Variants in SNX29 observed in about 807,000 individuals in gnomAD.
The protein encoded by SNX29 is sorting nexin-29.
Under a neutral mutation model 102.1 loss-of-function variants are expected in SNX29, and 78 were observed. The observed-to-expected ratio is 0.76, with a 90% CI of 0.64 to 0.92. SNX29 has a LOEUF of 0.92. Ranked by LOEUF, SNX29 falls within the 40% of genes least tolerant of loss-of-function variation. The pLI, the probability that SNX29 is intolerant of heterozygous loss-of-function variation, is 0.00. For missense variants in SNX29, 1,280 were observed against 1,061.7 expected, an observed-to-expected ratio of 1.21 and a Z score of -2.86; for synonymous variants, 580 against 414.5, an observed-to-expected ratio of 1.40 and a Z score of -4.85.
intron 18 of SNX29, among the ~76,000 whole-genome samples, chr16:12,440,740 C>A (rs1442248861): frequency 1.3e-5 from 2 of 152,116 alleles, no homozygotes; most frequent in Non-Finnish European, 2.9e-5. Flanking sequence ...TGGCCTCTAC[C>A]CCCATCCATG....
At chr16:12,293,757 A>G (rs1225425476) in intron 15 of SNX29, among the ~76,000 whole-genome samples, 1 of 152,220 alleles carries the variant, frequency 6.6e-6, no homozygotes, top group Non-Finnish European at 1.5e-5. Flanking sequence ...GATCTTTTTT[A>G]TCAATTAATT....
At chr16:12,539,047 C>G (rs11645403) in intron 20 of SNX29, among the ~76,000 whole-genome samples, 18,664 of 152,234 alleles carry the variant, frequency 0.12, 1,384 homozygotes, top group Non-Finnish European at 0.16. Flanking sequence ...CCCAGAAAGA[C>G]ATCACTGTGT....
At position 12,572,624 on chromosome 16, in the gene SNX29, A is replaced by T; in HGVS notation, c.*3995A>T. ...CCCCTCCCCTCCGGCTACCCCCAGAATCCATCCTTCATTCCTCCACCAAGC... is the reference window on the plus strand; with the variant it reads ...CCCCTCCCCTCCGGCTACCCCCAGATTCCATCCTTCATTCCTCCACCAAGC... On this transcript the variant is annotated 3_prime_UTR_variant, in exon 21 of 21. Transcript: ENST00000566228. 1.9e-6 allele frequency: 2 copies of T among 1,063,450 alleles called. No homozygotes were observed. The highest frequency in any genetic ancestry group is 2.3e-6 in the Non-Finnish European group (2 of 878,042). 65.9% of individuals were successfully genotyped at this position (1,063,450 alleles called of 1,614,324 possible).
intron 20 of SNX29, among the ~76,000 whole-genome samples, chr16:12,558,312 CTCA>C (rs1159549900): frequency 6.6e-6 from 1 of 151,976 alleles, no homozygotes; most frequent in Non-Finnish European, 1.5e-5. Context: ...CCCTGGTCAC[CTCA>C]AGTGGCTATC....
At chr16:12,197,589 A>C (rs2141952662) in intron 13 of SNX29, among the ~76,000 whole-genome samples, 1 of 152,310 alleles carries the variant, frequency 6.6e-6, no homozygotes. Flanking sequence ...AAGAAACAAA[A>C]AAACACATGC....
intron 19 of SNX29, among the ~76,000 whole-genome samples, chr16:12,500,185 A>G (rs149347883): frequency 1.2e-3 from 178 of 152,200 alleles, no homozygotes; most frequent in Non-Finnish European, 1.9e-3. Flanking sequence ...TTATGCAGCG[A>G]CAAGGTCTGG....
At position 12,568,393 on chromosome 16, in the gene SNX29, G is replaced by C. The variant is rs547764267; in HGVS notation, c.2319-113G>C. On this transcript the variant is annotated intron_variant, in intron 20 of 20. Transcript: ENST00000566228. ...AGTTAGAGGCAGATCCAATGAGCCA[G>C]TCACAGTTGCCAATCAGATCCCTCC... The C allele has an allele frequency of 3.2e-5, 45 of 1,411,948 alleles. No homozygotes were observed. In the African/African-American group the frequency reaches 5.1e-4, roughly 16 times the overall value. 87.5% of individuals were successfully genotyped at this position (1,411,948 alleles called of 1,614,324 possible). A position where few individuals can be genotyped will look rare whatever the true frequency, so the allele number is the denominator to read the frequency against.
intron 19 of SNX29, among the ~76,000 whole-genome samples, chr16:12,504,413 A>G (rs188781171): frequency 6.6e-6 from 1 of 150,500 alleles, no homozygotes; most frequent in African/African-American, 2.4e-5. Context: ...TTTCTCCCCA[A>G]CCCCCAGCCC....
chr16:12,476,366 A>T (rs2087597212), intron 18 of SNX29, among the ~76,000 whole-genome samples: 1 of 27,918 alleles, frequency 3.6e-5, no homozygotes, highest in African/African-American at 1.4e-4. Flanking sequence ...AAAAAAAAAA[A>T]AAAAAAAAAA....
intron 18 of SNX29, among the ~76,000 whole-genome samples, chr16:12,451,400 C>T (rs1012392592): frequency 6.6e-6 from 1 of 152,204 alleles, no homozygotes; most frequent in Non-Finnish European, 1.5e-5. Context: ...AGGCTGATTG[C>T]CGAGTAGGAG....
chr16:12,253,784 TG>T (rs1476445185), intron 14 of SNX29, among the ~76,000 whole-genome samples: 3 of 151,796 alleles, frequency 2.0e-5, no homozygotes, highest in Non-Finnish European at 2.9e-5. Flanking sequence ...AAAGGAGGGG[TG>T]GCCTCTGAGT....
chr16:12,134,670 C>T (rs2054594319), intron 13 of SNX29, among the ~76,000 whole-genome samples: 1 of 152,164 alleles, frequency 6.6e-6, no homozygotes, highest in Non-Finnish European at 1.5e-5. Context: ...ATTCTGTAGT[C>T]ACAGTCAACC....
At chr16:12,539,287 C>A (rs1014148238) in intron 20 of SNX29, among the ~76,000 whole-genome samples, 1 of 152,080 alleles carries the variant, frequency 6.6e-6, no homozygotes, top group Non-Finnish European at 1.5e-5. Context: ...CACCCTCCCC[C>A]ACCTCTAAGC....
intron 19 of SNX29, among the ~76,000 whole-genome samples, chr16:12,522,907 C>T (rs1010669282): frequency 6.6e-6 from 1 of 152,200 alleles, no homozygotes; most frequent in Non-Finnish European, 1.5e-5. Context: ...ACCTCTCGGG[C>T]TTAAGCAGTC....
At chr16:12,147,931 G>A (rs1413519059) in intron 13 of SNX29, among the ~76,000 whole-genome samples, 1 of 152,162 alleles carries the variant, frequency 6.6e-6, no homozygotes, top group Admixed American at 6.5e-5. Context: ...GCTGGGCAGA[G>A]GGGAGATATT....
At chr16:12,054,124 C>G (rs562653016) in intron 8 of SNX29, among the ~76,000 whole-genome samples, 1 of 152,112 alleles carries the variant, frequency 6.6e-6, no homozygotes, top group Non-Finnish European at 1.5e-5. Context: ...TCCGCCACCA[C>G]GCCCGGCTAA....
chr16:11,980,154 T>C (rs1019459463), intron 1 of SNX29, among the ~76,000 whole-genome samples: 2 of 152,168 alleles, frequency 1.3e-5, no homozygotes, highest in African/African-American at 4.8e-5. Flanking sequence ...TTGTACCCAT[T>C]AGCAGTCATT....
At chr16:12,467,353 G>A (rs1298455358) in intron 18 of SNX29, among the ~76,000 whole-genome samples, 3 of 152,188 alleles carry the variant, frequency 2.0e-5, no homozygotes, top group Admixed American at 6.5e-5. Flanking sequence ...TCACTAGGGC[G>A]AAGATCCATG....
chr16:12,329,305 T>C (rs375522282), intron 15 of SNX29, among the ~76,000 whole-genome samples: 1 of 89,208 alleles, frequency 1.1e-5, no homozygotes, highest in Admixed American at 1.1e-4. Flanking sequence ...AGTGAAAAAA[T>C]ACCCCCAGTA....
Sources: gnomAD v4.1 joint callset for allele counts (sites outside exome capture counted in the v4.1 genomes callset) on GRCh38, gnomAD v4.1.1 for gene constraint, MANE v1.5 for transcripts, NCBI Gene and HGNC (gene_info 2026-07-23, HGNC 2026-07-21) for gene names.